The following FARSB variants were observed in gnomAD, a reference collection of about 807,000 sequenced individuals.
FARSB encodes the protein phenylalanyl-tRNA synthetase subunit beta.
Under a neutral mutation model 69.6 loss-of-function variants are expected in FARSB, and 40 were observed. The observed-to-expected ratio is 0.57, with a 90% CI of 0.45 to 0.75. The LOEUF (loss-of-function observed/expected upper bound fraction) is 0.75, where lower values mean the gene tolerates loss of function less well. FARSB is among the 30% of genes least tolerant of loss of function. The pLI is 0.00. For synonymous variants in FARSB, 235 were observed against 247.2 expected (o/e 0.95, Z 0.46); for missense variants, 632 against 722.9 (o/e 0.87, Z 1.44).
chr2:222,585,857 G>A (rs1269705691), intron 16 of FARSB, among the ~76,000 whole-genome samples: 1 of 152,272 alleles, frequency 6.6e-6, no homozygotes, highest in African/African-American at 2.4e-5. Flanking sequence ...AGAAATATGG[G>A]ACTATGTGAA....
intron 1 of FARSB, among the ~76,000 whole-genome samples, chr2:222,652,296 T>C (rs1297565741): frequency 6.6e-6 from 1 of 152,088 alleles, no homozygotes; most frequent in Non-Finnish European, 1.5e-5. Context: ...ATTTTGCATA[T>C]GGGAGGAACT....
chr2:222,629,141 G>A (rs755833318), intron 9 of FARSB, among the ~76,000 whole-genome samples: 141 of 152,126 alleles, frequency 9.3e-4, no homozygotes, highest in Middle Eastern at 3.4e-3. Flanking sequence ...TGCAAAGCAT[G>A]CATCCGACAG....
chr2:222,575,689 C>G lies in FARSB; in HGVS notation c.1619-3667G>C, dbSNP rs1243634106. Among the ~76,000 whole-genome samples the G allele has an allele frequency of 2.0e-5, 3 of 152,136 alleles. No individual in the cohort carries two copies. The East Asian group carries it at 5.8e-4, about 29-fold the overall frequency. On this transcript the variant is annotated intron_variant, in intron 16 of 16. Coordinates refer to ENST00000281828, the MANE Select transcript of FARSB (RefSeq NM_005687.5). ...GTTGAAATACATGTGAAAGTCTGGA[C>G]AAAAGAAACATCAGGTAAGCACAAA...
At chr2:222,642,802 GA>G (rs1399295614) in intron 3 of FARSB, 48 bp downstream of exon 3, 1 of 1,423,140 alleles carries the variant, frequency 7.0e-7, no homozygotes, top group Non-Finnish European at 9.5e-7. Context: ...GACAAGGAAA[GA>G]AAAGAAAACC....
At chr2:222,603,676 AT>A (rs1468101668) in intron 15 of FARSB, among the ~76,000 whole-genome samples, 2 of 129,190 alleles carry the variant, frequency 1.5e-5, no homozygotes, top group Non-Finnish European at 1.8e-5. Flanking sequence ...TATAATTAAT[AT>A]TATATTATAT....
chr2:222,630,487 C>G (rs1691391661), intron 8 of FARSB, among the ~76,000 whole-genome samples: 1 of 152,182 alleles, frequency 6.6e-6, no homozygotes, highest in Non-Finnish European at 1.5e-5. Context: ...TTAACAATCT[C>G]CTAAGTCTCT....
intron 16 of FARSB, among the ~76,000 whole-genome samples, chr2:222,597,504 A>T (rs1690450636): frequency 6.6e-6 from 1 of 152,202 alleles, no homozygotes; most frequent in African/African-American, 2.4e-5. Context: ...CTAGATACTA[A>T]GTATTATATT....
chr2:222,617,316 G>C (rs1283505598), intron 14 of FARSB, among the ~76,000 whole-genome samples: 1 of 152,168 alleles, frequency 6.6e-6, no homozygotes, highest in Non-Finnish European at 1.5e-5. Flanking sequence ...GACATTTAAT[G>C]CATTTCTGAT....
chr2:222,655,995 A>G (rs764082931), intron 1 of FARSB, 21 bp downstream of exon 1: 3 of 1,580,284 alleles, frequency 1.9e-6, no homozygotes, highest in South Asian at 1.1e-5. Context: ...GTAGGGCCCA[A>G]CGTATAGGGC....
chr2:222,621,514 T>A (rs1351965010), intron 13 of FARSB, among the ~76,000 whole-genome samples: 2 of 152,204 alleles, frequency 1.3e-5, no homozygotes, highest in African/African-American at 2.4e-5. Flanking sequence ...TGAGCCACCA[T>A]GCCTGCCAGG....
At chr2:222,608,646 T>C (rs1477617628) in intron 15 of FARSB, among the ~76,000 whole-genome samples, 1 of 152,172 alleles carries the variant, frequency 6.6e-6, no homozygotes, top group Non-Finnish European at 1.5e-5. Flanking sequence ...ACTAAGCAGG[T>C]AAGAAGAAGT....
At chr2:222,643,302 T>C (rs1691768662) in intron 2 of FARSB, among the ~76,000 whole-genome samples, 1 of 152,216 alleles carries the variant, frequency 6.6e-6, no homozygotes, top group Admixed American at 6.5e-5. Context: ...GGCCAAATCA[T>C]ACCTGATACT....
At chr2:222,585,227 C>G (rs1690080761) in intron 16 of FARSB, among the ~76,000 whole-genome samples, 1 of 152,210 alleles carries the variant, frequency 6.6e-6, no homozygotes, top group African/African-American at 2.4e-5. Flanking sequence ...CCCAGGCAAA[C>G]AGGGTCTGGA....
In FARSB at chr2:222,639,721, TAGCAA is replaced by T. The variant is rs755609538; in HGVS notation, c.340-31_340-27del. ...CTGAAATTCATAATATCATTAGAGA[TAGCAA>T]ACAGTAAGGCTTTTCTTTGTAATAT... On this transcript the variant is annotated intron_variant, in intron 4 of 16. Transcript: ENST00000281828. The T allele has an allele frequency of 3.6e-6, 4 of 1,113,840 alleles. No homozygotes were observed. In the African/African-American group the frequency reaches 6.2e-5, roughly 17 times the overall value. The allele number at this position is 1,113,840 out of a possible 1,614,324, so 69.0% of individuals were successfully genotyped here.
At chr2:222,627,155 C>T (rs574745345) in intron 10 of FARSB, among the ~76,000 whole-genome samples, 1 of 152,326 alleles carries the variant, frequency 6.6e-6, no homozygotes, top group South Asian at 2.1e-4. Flanking sequence ...AAAATGGCCA[C>T]AAATTTCTCC....
intron 1 of FARSB, among the ~76,000 whole-genome samples, chr2:222,651,319 AAG>A (rs1692032665): frequency 6.6e-6 from 1 of 152,220 alleles, no homozygotes; most frequent in Admixed American, 6.5e-5. Flanking sequence ...ATGTGAAAAA[AAG>A]AGATAAGCTA....
rs143635218 is a variant in FARSB at position 222,634,490 on chromosome 2, G to A, written c.507C>T (p.Gly169=). Residue 169 remains glycine (G), a synonymous_variant, in exon 6 of 17, where the codon GGC becomes GGT. Coordinates refer to ENST00000281828, the MANE Select transcript of FARSB (RefSeq NM_005687.5). ...GACGCTTTGCAGTATAAGTAAATGG[G>A]CCCGACAAAGTGTCCAAATCATGGG... ...IGTHDLDTLS[G]PFTYTAKRPS... 122 of 1,612,668 alleles carry A rather than the reference G, an allele frequency of 7.6e-5. No individual in the cohort carries two copies. Among genetic ancestry groups the A allele is most frequent in the Non-Finnish European group, 9.6e-5 (113 of 1,179,108 alleles).
chr2:222,635,922 A>G (rs1156572735), intron 5 of FARSB, among the ~76,000 whole-genome samples: 1 of 151,982 alleles, frequency 6.6e-6, no homozygotes, highest in Admixed American at 6.6e-5. Context: ...TCCACAAAAA[A>G]TGTAAAAATT....
At chr2:222,604,472 T>C (rs1261847979) in intron 15 of FARSB, among the ~76,000 whole-genome samples, 1 of 152,204 alleles carries the variant, frequency 6.6e-6, no homozygotes, top group Non-Finnish European at 1.5e-5. Flanking sequence ...GTACACACTA[T>C]ATTCAAGGCG....
Sources: allele counts gnomAD v4.1 joint callset (sites outside exome capture counted in the v4.1 genomes callset), GRCh38; gene constraint gnomAD v4.1.1; transcripts MANE v1.5; gene names NCBI Gene and HGNC (gene_info 2026-07-23, HGNC 2026-07-21).